The following ZC3H13 variants were observed in gnomAD, a reference collection of about 807,000 sequenced individuals.
The protein encoded by ZC3H13 is zinc finger CCCH-type containing 13, also known as zinc finger CCCH domain-containing protein 13.
Under a neutral mutation model 204.1 loss-of-function variants are expected in ZC3H13, and 64 were observed. The ratio of observed to expected loss-of-function variants is 0.31; its 90% CI spans 0.26 to 0.39. The LOEUF (loss-of-function observed/expected upper bound fraction) is 0.39. ZC3H13 is among the 10% of genes least tolerant of loss of function. ZC3H13 has a pLI of 1.00. For synonymous variants in ZC3H13, 667 were observed against 693.7 expected, an observed-to-expected ratio of 0.96 and a Z score of 0.60; for missense variants, 1,833 against 2,082.7, an observed-to-expected ratio of 0.88 and a Z score of 2.33.
intron 4 of ZC3H13, among the ~76,000 whole-genome samples, chr13:46,039,154 C>A (rs1284635945): frequency 6.6e-6 from 1 of 152,156 alleles, no homozygotes; most frequent in Non-Finnish European, 1.5e-5. Context: ...TAGGTATACA[C>A]GATGCTCAGT....
At chr13:46,001,024 T>C (rs1472691118) in intron 8 of ZC3H13, 1 of 152,214 alleles carries the variant, frequency 6.6e-6, no homozygotes, top group Non-Finnish European at 1.5e-5. Context: ...CTGTTTTATA[T>C]GGGTGCAGTT....
At chr13:45,972,826 A>G (rs1952696942) in intron 12 of ZC3H13, among the ~76,000 whole-genome samples, 1 of 152,232 alleles carries the variant, frequency 6.6e-6, no homozygotes, top group South Asian at 2.1e-4. Flanking sequence ...AAGAGGATTC[A>G]GGAGGCCTTG....
At chr13:45,961,771 G>T (rs1951709023) in intron 17 of ZC3H13, among the ~76,000 whole-genome samples, 1 of 151,726 alleles carries the variant, frequency 6.6e-6, no homozygotes. Flanking sequence ...ATGCTTGAGG[G>T]GATGAATACT....
intron 4 of ZC3H13, among the ~76,000 whole-genome samples, chr13:46,030,850 A>G (rs917903226): frequency 1.3e-5 from 2 of 152,230 alleles, no homozygotes; most frequent in South Asian, 2.1e-4. Flanking sequence ...AGAAGACTAC[A>G]TATCTGTCAA....
intron 6 of ZC3H13, 103 bp downstream of exon 6, chr13:46,011,312 C>T (rs2041546661): frequency 7.0e-6 from 7 of 997,594 alleles, no homozygotes; most frequent in Non-Finnish European, 1.0e-5. Flanking sequence ...ATCAATATAT[C>T]AGTATACTAA....
chr13:45,994,154 T>C (rs2040165024), intron 8 of ZC3H13, among the ~76,000 whole-genome samples: 1 of 152,262 alleles, frequency 6.6e-6, no homozygotes, highest in Non-Finnish European at 1.5e-5. Flanking sequence ...ATATATTTTC[T>C]CTTCCTTATG....
chr13:45,959,675 G>A, intron 17 of ZC3H13, 29 bp from the exon 18 acceptor site: 9 of 1,490,576 alleles, frequency 6.0e-6, no homozygotes, highest in Admixed American at 2.6e-5. Flanking sequence ...CATGCATTAA[G>A]TTTTACTAAA....
Position 45,954,804 on chromosome 13 carries a change from G to A in ZC3H13, c.*2323C>T, listed in dbSNP as rs1411701910. 6.6e-6 allele frequency: 1 copy of A among 152,216 alleles called. No individual in the cohort carries two copies. The highest frequency in any genetic ancestry group is 2.4e-5 in the African/African-American group (1 of 41,468). The allele number at this position is 152,216 out of a possible 1,614,324, so 9.4% of individuals were successfully genotyped here. A position where few individuals can be genotyped will look rare whatever the true frequency, so the allele number is the denominator to read the frequency against. On this transcript the variant is annotated 3_prime_UTR_variant, in exon 19 of 19. Transcript: ENST00000679008. ...TAATGTAGTCATAGGCTAGGATGGT[G>A]ACGACAATCTGCAATTACTGGTCAG...
Position 45,970,016 on chromosome 13 carries a change from C to A in ZC3H13, c.2573-45G>T, listed in dbSNP as rs926899051. On this transcript the variant is annotated intron_variant, in intron 13 of 18. Transcript: ENST00000679008. ...AATCACACTCTCACCAGGTTAGTAACCACTGCATGGTACATATAGATTATA... is the reference window on the plus strand; with the variant it reads ...AATCACACTCTCACCAGGTTAGTAAACACTGCATGGTACATATAGATTATA... The A allele has an allele frequency of 7.1e-6, 11 of 1,554,004 alleles. No individual in the cohort carries two copies. The African/African-American group carries it at 1.2e-4, about 17-fold the overall frequency.
intron 4 of ZC3H13, among the ~76,000 whole-genome samples, chr13:46,027,685 G>A (rs1191224866): frequency 1.3e-5 from 2 of 152,098 alleles, no homozygotes; most frequent in African/African-American, 4.8e-5. Context: ...AAAGAACTGG[G>A]AATATTTTGT....
intron 8 of ZC3H13, among the ~76,000 whole-genome samples, chr13:45,996,529 A>G (rs1315369830): frequency 6.6e-6 from 1 of 152,196 alleles, no homozygotes; most frequent in African/African-American, 2.4e-5. Context: ...TAAATTGCAC[A>G]CAGTTCTAAG....
rs202084019 is a variant in ZC3H13 at position 45,969,747 on chromosome 13, G to A, written c.2797C>T (p.Arg933Cys). 1.3e-4 allele frequency: 202 copies of A among 1,613,488 alleles called. No homozygotes were observed. The highest frequency in any genetic ancestry group is 1.6e-4 in the Middle Eastern group (1 of 6,084). Residue 933 changes from arginine (R) to cysteine (C), a missense_variant, in exon 14 of 19, where the codon CGT becomes TGT. Arg to Cys is a radical substitution (Grantham distance 180). Transcript: ENST00000679008. ...TGGTGTCCTATAATGTCCTGTGCAC[G>A]CATTCTTGAGCTTTCCAGGATTTCT... ...QTEILESSRM[R>C]AQDIIGHHQS...
intron 7 of ZC3H13, among the ~76,000 whole-genome samples, chr13:46,008,345 T>C (rs550003596): frequency 5.5e-4 from 84 of 151,756 alleles, no homozygotes; most frequent in African/African-American, 2.0e-3. Context: ...AAAGAAATGC[T>C]ATACTCAATT....
At chr13:46,044,449 T>C (rs996753329) in intron 3 of ZC3H13, among the ~76,000 whole-genome samples, 2 of 152,086 alleles carry the variant, frequency 1.3e-5, no homozygotes, top group Non-Finnish European at 2.9e-5. Flanking sequence ...GTTCGAAATA[T>C]GGAGCATATT....
intron 12 of ZC3H13, among the ~76,000 whole-genome samples, chr13:45,972,149 T>G (rs1453404175): frequency 1.3e-5 from 2 of 151,672 alleles, no homozygotes; most frequent in South Asian, 4.2e-4. Context: ...CTACTGGGTA[T>G]CTACCCAAAG....
intron 5 of ZC3H13, among the ~76,000 whole-genome samples, chr13:46,019,135 A>C (rs2042081207): frequency 6.6e-6 from 1 of 152,156 alleles, no homozygotes; most frequent in Non-Finnish European, 1.5e-5. Context: ...GTTTCCTTTA[A>C]GTACTGATGT....
intron 8 of ZC3H13, among the ~76,000 whole-genome samples, chr13:45,994,019 AC>A (rs1293779333): frequency 2.0e-5 from 3 of 152,222 alleles, no homozygotes; most frequent in African/African-American, 7.2e-5. Context: ...GTCCACACTT[AC>A]GTGTGAGTTT....
chr13:45,969,789 T>C lies in ZC3H13; in HGVS notation c.2755A>G (p.Lys919Glu), dbSNP rs376763600. The C allele has an allele frequency of 8.7e-6, 14 of 1,613,964 alleles. No individual in the cohort carries two copies. The highest frequency in any genetic ancestry group is 1.2e-5 in the Non-Finnish European group (14 of 1,180,032). ...AGGATTTCTGTCTGTTCTCTCTGTT[T>C]ATCTACAGAAGAAACTTTCTCCTTG... ...ELKEKVSSVD[K>E]QREQTEILES... is the part of the protein sequence containing the mutation. Residue 919 changes from lysine (K) to glutamate (E), a missense_variant, in exon 14 of 19, where the codon AAA becomes GAA. Lys to Glu is a moderately conservative substitution (Grantham distance 56, BLOSUM62 1). Transcript: ENST00000679008.
At chr13:45,987,908 G>A (rs1366563517) in intron 9 of ZC3H13, among the ~76,000 whole-genome samples, 1 of 152,144 alleles carries the variant, frequency 6.6e-6, no homozygotes, top group African/African-American at 2.4e-5. Flanking sequence ...TTTATTGCCA[G>A]GTAACAATAA....
Sources: allele counts gnomAD v4.1 joint callset (sites outside exome capture counted in the v4.1 genomes callset), GRCh38; gene constraint gnomAD v4.1.1; transcripts MANE v1.5; gene names NCBI Gene and HGNC (gene_info 2026-07-23, HGNC 2026-07-21).